RIMS4: variants seen among roughly 807,000 people sequenced by gnomAD.
RIMS4 encodes the protein regulating synaptic membrane exocytosis 4.
In RIMS4, 9 loss-of-function variants were observed where a neutral mutation model predicts 29.0. The ratio of observed to expected loss-of-function variants is 0.31; its 90% CI spans 0.19 to 0.54. RIMS4 has a LOEUF of 0.54. Ranked by LOEUF, RIMS4 falls within the 20% of genes least tolerant of loss-of-function variation. The pLI is 0.94. For synonymous variants in RIMS4, 130 were observed against 152.9 expected, an observed-to-expected ratio of 0.85 and a Z score of 1.10; for missense variants, 193 against 365.7, an observed-to-expected ratio of 0.53 and a Z score of 3.85.
rs1387777492 is a variant in RIMS4, at chr20:44,754,066, A to C, written c.*2068T>G. On this transcript the variant is annotated 3_prime_UTR_variant, in exon 6 of 6. Coordinates refer to ENST00000372851, the MANE Select transcript of RIMS4 (RefSeq NM_182970.4). The stretch of plus-strand genomic sequence containing the variant: ...GAGAGAAGGCGCTCTCCTGGCTCAA[A>C]ATATTCCAATGGTAAGTAATAAACG... 1 of 152,248 alleles carries C rather than the reference A, an allele frequency of 6.6e-6. No homozygotes were observed. Among genetic ancestry groups the C allele is most frequent in the African/African-American group, 2.4e-5 (1 of 41,452 alleles). The allele number at this position is 152,248 out of a possible 1,614,324, so 9.4% of individuals were successfully genotyped here.
intron 2 of RIMS4, among the ~76,000 whole-genome samples, chr20:44,768,615 C>G (rs1251906797): frequency 1.3e-5 from 2 of 152,222 alleles, no homozygotes; most frequent in Non-Finnish European, 2.9e-5. Context: ...CAGCGCCTCG[C>G]CTGGCTGGGA....
chr20:44,764,199 C>CGTCCATCT (rs1568895719), intron 2 of RIMS4, among the ~76,000 whole-genome samples: 2 of 62,162 alleles, frequency 3.2e-5, no homozygotes, highest in Admixed American at 1.5e-4. Flanking sequence ...TTTATCCATC[C>CGTCCATCT]ATCCATCCAT....
chr20:44,758,450 T>C (rs1217208972), intron 2 of RIMS4, among the ~76,000 whole-genome samples: 1 of 152,220 alleles, frequency 6.6e-6, no homozygotes, highest in East Asian at 1.9e-4. Context: ...AATCAGAATC[T>C]GAATTTTAAT....
chr20:44,771,108 C>A (rs1489848717), intron 2 of RIMS4, among the ~76,000 whole-genome samples, 167 bp downstream of exon 2: 1 of 152,244 alleles, frequency 6.6e-6, no homozygotes, highest in Non-Finnish European at 1.5e-5. Context: ...CGGGGCTTTG[C>A]TGTTACACTG....
intron 1 of RIMS4, among the ~76,000 whole-genome samples, chr20:44,792,630 C>G (rs559386779): frequency 2.5e-4 from 38 of 152,278 alleles, no homozygotes; most frequent in African/African-American, 9.1e-4. Context: ...AAAGATGGGC[C>G]TGTCCTTTCT....
At chr20:44,757,974 T>C in intron 3 of RIMS4, 98 bp downstream of exon 3, 1 of 1,031,898 alleles carries the variant, frequency 9.7e-7, no homozygotes, top group East Asian at 2.4e-5. Context: ...GCGCAGAGGA[T>C]GGATCAACAG....
At chr20:44,777,913 C>T (rs559406289) in intron 1 of RIMS4, among the ~76,000 whole-genome samples, 41 of 152,246 alleles carry the variant, frequency 2.7e-4, no homozygotes, top group Non-Finnish European at 5.1e-4. Context: ...AACCAGGATG[C>T]GAAAGGCACC....
intron 1 of RIMS4, among the ~76,000 whole-genome samples, chr20:44,797,360 T>C (rs1005713622): frequency 6.6e-6 from 1 of 152,244 alleles, no homozygotes; most frequent in Non-Finnish European, 1.5e-5. Flanking sequence ...AAATATCTAC[T>C]GTCTGGCCCT....
intron 1 of RIMS4, among the ~76,000 whole-genome samples, chr20:44,777,462 C>G (rs2066165118): frequency 6.6e-6 from 1 of 152,172 alleles, no homozygotes; most frequent in African/African-American, 2.4e-5. Context: ...ATTATATACA[C>G]ATATATAATT....
chr20:44,810,084 GT>G (rs1568910408), intron 1 of RIMS4, 90 bp downstream of exon 1: 3 of 627,164 alleles, frequency 4.8e-6, no homozygotes, highest in Non-Finnish European at 8.1e-6. Context: ...GGGATTGGGG[GT>G]GGGGAGGAGG....
At chr20:44,764,260 A>ATCCATCCATCCATCCATTTATC (rs1555859479) in intron 2 of RIMS4, among the ~76,000 whole-genome samples, 2 of 151,898 alleles carry the variant, frequency 1.3e-5, no homozygotes, top group African/African-American at 2.4e-5. Flanking sequence ...CCATCCTCCC[A>ATCCATCCATCCATCCATTTATC]CAAACTCACC....
Position 44,804,359 on chromosome 20 carries a change from G to T in RIMS4, c.97+5816C>A, listed in dbSNP as rs1568908567. On this transcript the variant is annotated intron_variant, in intron 1 of 5. Coordinates refer to ENST00000372851, the MANE Select transcript of RIMS4 (RefSeq NM_182970.4). ...CTTGCTTGAGGTCAGAGCCAGAGCG[G>T]ATTCAAATCCAAGCCCAGGTATCTT... is the stretch of plus-strand genomic sequence containing the variant. Among the ~76,000 whole-genome samples, 5 of 152,322 alleles carry T rather than the reference G, an allele frequency of 3.3e-5. No individual in the cohort carries two copies. In the South Asian group the frequency reaches 1.0e-3, roughly 32 times the overall value.
intron 1 of RIMS4, among the ~76,000 whole-genome samples, chr20:44,774,461 A>G (rs2066150997): frequency 6.6e-6 from 1 of 151,964 alleles, no homozygotes; most frequent in Admixed American, 6.6e-5. Flanking sequence ...CAGAATGTGG[A>G]AAGACTAGAC....
In RIMS4 at chr20:44,756,845, G is replaced by A; in HGVS notation, c.591+53C>T. On this transcript the variant is annotated intron_variant, in intron 5 of 5. Transcript: ENST00000372851. The surrounding 1 kb of genome is among the most constrained non-coding windows in gnomAD (Gnocchi z 5.9). The stretch of plus-strand genomic sequence containing the variant: ...GGTGCCCTCCTCTCATTCTGGTACT[G>A]TGCATGTGTGCTCGTGCACACACAC... The A allele has an allele frequency of 2.5e-6, 4 of 1,593,772 alleles. No individual in the cohort carries two copies. The highest frequency in any genetic ancestry group is 1.7e-4 in the Middle Eastern group (1 of 5,748).
intron 1 of RIMS4, among the ~76,000 whole-genome samples, chr20:44,779,354 G>A (rs2066173936): frequency 6.6e-6 from 1 of 152,202 alleles, no homozygotes; most frequent in Non-Finnish European, 1.5e-5. Context: ...CCCAGATCAA[G>A]AAGCAGAACA....
intron 1 of RIMS4, among the ~76,000 whole-genome samples, chr20:44,774,201 T>C (rs2066149737): frequency 6.6e-6 from 1 of 152,140 alleles, no homozygotes; most frequent in Non-Finnish European, 1.5e-5. Context: ...CCAAGATCCA[T>C]CCATCCCACG....
rs1349529079 is a variant in RIMS4 at position 44,810,510 on chromosome 20, C to CGGCGGCGGCGGT, written c.-240_-239insACCGCCGCCGCC. On this transcript the variant is annotated 5_prime_UTR_variant, in exon 1 of 6. Coordinates refer to ENST00000372851, the MANE Select transcript of RIMS4 (RefSeq NM_182970.4). ...GTGCTGCTGGCGGCGGCGGCGGCGGCGGCGGTGGCGGCGGCGGTGGCGGCG... is the reference window on the plus strand; with the variant it reads ...GTGCTGCTGGCGGCGGCGGCGGCGGCGGCGGCGGCGGTGGCGGTGGCGGCGGCGGTGGCGGCG... Among the ~76,000 whole-genome samples, 1 of 137,498 alleles carries CGGCGGCGGCGGT rather than the reference C, an allele frequency of 7.3e-6. No individual in the cohort carries two copies. Among genetic ancestry groups the CGGCGGCGGCGGT allele is most frequent in the Non-Finnish European group, 1.6e-5 (1 of 63,938 alleles). 90.2% of individuals were successfully genotyped at this position (137,498 alleles called of 152,430 possible).
At chr20:44,761,535 G>A (rs60032405) in intron 2 of RIMS4, among the ~76,000 whole-genome samples, 6,039 of 152,272 alleles carry the variant, frequency 0.04, 192 homozygotes, top group South Asian at 0.14. Context: ...GTCTGCAGGG[G>A]GGATAATGCA....
At chr20:44,790,381 T>C (rs551771275) in intron 1 of RIMS4, among the ~76,000 whole-genome samples, 2 of 152,312 alleles carry the variant, frequency 1.3e-5, no homozygotes, top group South Asian at 2.1e-4. Flanking sequence ...TGTGGTCCCA[T>C]AGACCCCTCC....
Sources: gnomAD v4.1 joint callset for allele counts (sites outside exome capture counted in the v4.1 genomes callset) on GRCh38, gnomAD v4.1.1 for gene constraint, Gnocchi (gnomAD v3.1) non-coding constraint, MANE v1.5 for transcripts, NCBI Gene and HGNC (gene_info 2026-07-23, HGNC 2026-07-21) for gene names.